The following AJAP1 variants were observed in gnomAD, a reference collection of about 807,000 sequenced individuals.
AJAP1 encodes adherens junction-associated protein 1.
Under a neutral mutation model 35.0 loss-of-function variants are expected in AJAP1, and 5 were observed. That is an observed-to-expected ratio of 0.14 (90% CI 0.07 to 0.30). The LOEUF is 0.30. Ranked by LOEUF, AJAP1 falls within the 10% of genes least tolerant of loss-of-function variation. The probability of loss-of-function intolerance (pLI) is 1.00; values close to 1 mark genes in which losing one functional copy is unlikely to be tolerated. For missense variants in AJAP1, 586 were observed against 571.0 expected (o/e 1.03, Z -0.27); for synonymous variants, 284 against 249.3 (o/e 1.14, Z -1.31).
At chr1:4,759,531 T>C (rs1641517341) in intron 2 of AJAP1, among the ~76,000 whole-genome samples, 1 of 152,172 alleles carries the variant, frequency 6.6e-6, no homozygotes, top group South Asian at 2.1e-4. Context: ...GGCTCAAGCC[T>C]CTGCATAGAC....
At chr1:4,781,289 G>T (rs927782183) in intron 5 of AJAP1, among the ~76,000 whole-genome samples, 1 of 152,158 alleles carries the variant, frequency 6.6e-6, no homozygotes, top group East Asian at 1.9e-4. Context: ...CCGCACCCTT[G>T]TCTTTGGGAA....
At chr1:4,660,523 G>T (rs934605071) in intron 1 of AJAP1, among the ~76,000 whole-genome samples, 6 of 152,012 alleles carry the variant, frequency 3.9e-5, no homozygotes, top group African/African-American at 1.5e-4. Flanking sequence ...TACAATGCCT[G>T]CAATTCCACA....
intron 2 of AJAP1, among the ~76,000 whole-genome samples, chr1:4,761,000 G>A (rs771923112): frequency 2.0e-5 from 3 of 152,192 alleles, no homozygotes; most frequent in Non-Finnish European, 2.9e-5. Context: ...TCATGGCCCC[G>A]AAGGGTGCTG....
Position 4,774,490 on chromosome 1 carries a change from C to T in AJAP1, c.1227C>T (p.Ile409=). The T allele has an allele frequency of 1.2e-6, 2 of 1,614,160 alleles. No homozygotes were observed. Among genetic ancestry groups the T allele is most frequent in the Non-Finnish European group, 1.7e-6 (2 of 1,180,018 alleles). ...TCGTGTCTGAGAAATGGTTTGAAATCTCCTGCTGACTGGCCGAAGTCTTTT... is the reference window on the plus strand; with the variant it reads ...TCGTGTCTGAGAAATGGTTTGAAATTTCCTGCTGACTGGCCGAAGTCTTTT... The part of the protein sequence containing the change: ...VAFVSEKWFE[I]SC Residue 409 remains isoleucine, a synonymous_variant, in exon 5 of 6, where the codon ATC becomes ATT. Transcript: ENST00000378191.
chr1:4,787,134 A>G lies in AJAP1; in HGVS notation c.*4649A>G, dbSNP rs1430574072. The G allele has an allele frequency of 1.3e-5, 2 of 153,046 alleles. No homozygotes were observed. The highest frequency in any genetic ancestry group is 4.8e-5 in the African/African-American group (2 of 41,448). 9.5% of individuals were successfully genotyped at this position (153,046 alleles called of 1,614,324 possible). On this transcript the variant is annotated 3_prime_UTR_variant, in exon 6 of 6. Transcript: ENST00000378191. Reference sequence around the variant, plus strand: ...GATCAGTCATTCATCCTCTTATTCAACAAATACTTGTTCCACTTCTACCAC... The same window carrying G: ...GATCAGTCATTCATCCTCTTATTCAGCAAATACTTGTTCCACTTCTACCAC...
rs138855189 is a variant in AJAP1 at position 4,747,795 on chromosome 1, C to T, written c.830-22058C>T. The stretch of plus-strand genomic sequence containing the variant: ...CTGAGGTCAGGAGTTTAAGACCAGC[C>T]TGGTCAACATGGCGAAACCTTGTCT... On this transcript the variant is annotated intron_variant, in intron 2 of 5. Coordinates refer to ENST00000378191, the MANE Select transcript of AJAP1 (RefSeq NM_018836.4). Among the ~76,000 whole-genome samples the T allele has an allele frequency of 5.2e-3, 788 of 152,168 alleles. 9 individuals carry two copies. Among genetic ancestry groups the T allele is most frequent in the African/African-American group, 0.017 (726 of 41,500 alleles).
At position 4,667,570 on chromosome 1, in the gene AJAP1, A is replaced by G. The variant is rs117461155; in HGVS notation, c.29+12116A>G. Among the ~76,000 whole-genome samples the G allele has an allele frequency of 6.0e-3, 920 of 152,348 alleles. 37 individuals carry two copies. In the South Asian group the frequency reaches 0.075, roughly 12 times the overall value. Reference sequence around the variant, plus strand: ...TAGATCCCTCACATACATGGTTCACAGTAGGGTTAGTGCCCCTGGAAGAAT... The same window carrying G: ...TAGATCCCTCACATACATGGTTCACGGTAGGGTTAGTGCCCCTGGAAGAAT... On this transcript the variant is annotated intron_variant, in intron 1 of 5. Transcript: ENST00000378191.
intron 2 of AJAP1, among the ~76,000 whole-genome samples, chr1:4,740,807 CG>C (rs143343372): frequency 5.6e-5 from 7 of 125,470 alleles, no homozygotes; most frequent in Admixed American, 8.1e-5. Flanking sequence ...AAAAAAAAAG[CG>C]GGGGGGGCTA....
At chr1:4,773,557 T>G (rs1251553942) in intron 4 of AJAP1, among the ~76,000 whole-genome samples, 1 of 152,198 alleles carries the variant, frequency 6.6e-6, no homozygotes. Flanking sequence ...TCCCTTCCCT[T>G]CTGGAGGAGG....
Position 4,784,958 on chromosome 1 carries a change from AGGCAGTGGGGT to A in AJAP1, c.*2477_*2487del, listed in dbSNP as rs1432139560. ...ATGGTGAGGGCTGGCGGCGGCCAAC[AGGCAGTGGGGT>A]GGCTGCTCTGGTCTCTGACATTCTG... On this transcript the variant is annotated 3_prime_UTR_variant, in exon 6 of 6. Coordinates refer to ENST00000378191, the MANE Select transcript of AJAP1 (RefSeq NM_018836.4). 3 of 152,640 alleles carry A rather than the reference AGGCAGTGGGGT, an allele frequency of 2.0e-5. No individual in the cohort carries two copies. The highest frequency in any genetic ancestry group is 7.2e-5 in the African/African-American group (3 of 41,438). 9.5% of individuals were successfully genotyped at this position (152,640 alleles called of 1,614,324 possible).
rs1268966137 is a variant in AJAP1 at position 4,791,855 on chromosome 1, T to C, written c.*9370T>C. The C allele has an allele frequency of 3.3e-5, 5 of 149,912 alleles. No homozygotes were observed. Among genetic ancestry groups the C allele is most frequent in the African/African-American group, 2.5e-5 (1 of 40,308 alleles). 9.3% of individuals were successfully genotyped at this position (149,912 alleles called of 1,614,324 possible). ...TAACCCTTGAATTCACCAGGTCTCA[T>C]TGCATTTATTTAAAGATGGAGCCCA... On this transcript the variant is annotated 3_prime_UTR_variant, in exon 6 of 6. Transcript: ENST00000378191.
rs1640497270 is a variant in AJAP1 at position 4,720,722 on chromosome 1, G to A, written c.829+8023G>A. Among the ~76,000 whole-genome samples, 1 of 152,220 alleles carries A rather than the reference G, an allele frequency of 6.6e-6. No individual in the cohort carries two copies. Among genetic ancestry groups the A allele is most frequent in the African/African-American group, 2.4e-5 (1 of 41,448 alleles). On this transcript the variant is annotated intron_variant, in intron 2 of 5. Coordinates refer to ENST00000378191, the MANE Select transcript of AJAP1 (RefSeq NM_018836.4). This position sits in a 1 kb window ranked among gnomAD's most constrained non-coding sequence, Gnocchi z 4.4. The stretch of plus-strand genomic sequence containing the variant: ...GCCCACCTCACCGGTGGCTCTGCCA[G>A]GGTAATCGAATGGTGTTTGTGGTGG...
chr1:4,787,378 G>C lies in AJAP1; in HGVS notation c.*4893G>C, dbSNP rs1642176108. 1 of 254,214 alleles carries C rather than the reference G, an allele frequency of 3.9e-6. No homozygotes were observed. The highest frequency in any genetic ancestry group is 7.9e-6 in the Non-Finnish European group (1 of 126,908). 15.7% of individuals were successfully genotyped at this position (254,214 alleles called of 1,614,324 possible). On this transcript the variant is annotated 3_prime_UTR_variant, in exon 6 of 6. Coordinates refer to ENST00000378191, the MANE Select transcript of AJAP1 (RefSeq NM_018836.4). ...GGGGGGCATTGAAGGGGAAGAAAGA[G>C]AGGCAGGGGTTGTCTACGTCTCCTC...
chr1:4,778,962 A>G (rs1399462058), intron 5 of AJAP1, among the ~76,000 whole-genome samples: 2 of 152,342 alleles, frequency 1.3e-5, no homozygotes, highest in Admixed American at 6.5e-5. Context: ...CCAGTGGTGA[A>G]TGGGCAGGAG....
intron 2 of AJAP1, among the ~76,000 whole-genome samples, chr1:4,737,179 G>C (rs921893445): frequency 6.6e-6 from 1 of 152,084 alleles, no homozygotes; most frequent in African/African-American, 2.4e-5. Flanking sequence ...CTGTGGATGG[G>C]CACCCCTGGG....
chr1:4,717,175 G>C (rs147177171), intron 2 of AJAP1, among the ~76,000 whole-genome samples: 1 of 152,200 alleles, frequency 6.6e-6, no homozygotes, highest in South Asian at 2.1e-4. Flanking sequence ...ATCTTAAAAC[G>C]TGTAAAGGAA....
intron 1 of AJAP1, among the ~76,000 whole-genome samples, chr1:4,669,034 A>T (rs1248959586): frequency 6.6e-6 from 1 of 152,136 alleles, no homozygotes; most frequent in East Asian, 1.9e-4. Context: ...CTCAGCCAAC[A>T]TTTTTTTAGC....
intron 1 of AJAP1, among the ~76,000 whole-genome samples, chr1:4,710,054 A>G (rs1640192002): frequency 6.6e-6 from 1 of 152,096 alleles, no homozygotes; most frequent in Non-Finnish European, 1.5e-5. Context: ...ACACACACAG[A>G]CACACTCACA....
chr1:4,734,970 C>T lies in AJAP1; in HGVS notation c.829+22271C>T, dbSNP rs1259083121. Among the ~76,000 whole-genome samples the T allele has an allele frequency of 2.0e-5, 3 of 152,338 alleles. No homozygotes were observed. Among genetic ancestry groups the T allele is most frequent in the South Asian group, 2.1e-4 (1 of 4,828 alleles). On this transcript the variant is annotated intron_variant, in intron 2 of 5. Coordinates refer to ENST00000378191, the MANE Select transcript of AJAP1 (RefSeq NM_018836.4). This position sits in a 1 kb window ranked among gnomAD's most constrained non-coding sequence, Gnocchi z 4.3. ...CGTCCATCGCCTGCAAGCTGAGCCG[C>T]GTGATGGAGCTCAGCCTGCAGCAGC...
Sources: allele counts gnomAD v4.1 joint callset (sites outside exome capture counted in the v4.1 genomes callset), GRCh38; gene constraint gnomAD v4.1.1; non-coding constraint Gnocchi (gnomAD v3.1); transcripts MANE v1.5; gene names NCBI Gene and HGNC (gene_info 2026-07-23, HGNC 2026-07-21).